Variants in MBOAT2 observed in about 807,000 individuals in gnomAD.
MBOAT2 encodes membrane bound glycerophospholipid O-acyltransferase 2, also known as membrane-bound glycerophospholipid O-acyltransferase 2.
MBOAT2 carries 28 observed loss-of-function variants against 63.4 expected under a neutral mutation model. That is an observed-to-expected ratio of 0.44 (90% CI 0.33 to 0.61). MBOAT2 has a LOEUF of 0.61. Among genes scored for constraint, MBOAT2 ranks in the 20% least tolerant of loss-of-function variants. MBOAT2 has a pLI of 0.03. For synonymous variants in MBOAT2, 211 were observed against 215.6 expected, an observed-to-expected ratio of 0.98 and a Z score of 0.19; for missense variants, 470 against 605.8, an observed-to-expected ratio of 0.78 and a Z score of 2.35.
In MBOAT2 at chr2:8,877,099, G is replaced by A. The variant is rs1352661623; in HGVS notation, c.621C>T (p.Tyr207=). Residue 207 remains tyrosine (Y), a synonymous_variant, in exon 7 of 13, where the codon TAC becomes TAT. Transcript: ENST00000305997. ...CATTTTCACCAGATTGTGTGATATG[G>A]TATGATCTGCCTTCAATGAAAGTAA... ...DYITFIEGRS[Y]HITQSGENGK... is the part of the protein sequence containing the mutation. 1.2e-6 allele frequency: 2 copies of A among 1,614,014 alleles called. No homozygotes were observed. The highest frequency in any genetic ancestry group is 2.2e-5 in the South Asian group (2 of 91,062).
intron 1 of MBOAT2, among the ~76,000 whole-genome samples, chr2:8,994,745 A>G (rs1282402396): frequency 6.6e-6 from 1 of 152,192 alleles, no homozygotes; most frequent in Non-Finnish European, 1.5e-5. Context: ...AAGATACCCA[A>G]AAAGGGAGGA....
chr2:8,993,885 C>A (rs1573274904), intron 1 of MBOAT2, among the ~76,000 whole-genome samples: 2 of 152,340 alleles, frequency 1.3e-5, no homozygotes, highest in Non-Finnish European at 2.9e-5. Flanking sequence ...ATGGTGCCCT[C>A]TCCAGCCCCT....
At chr2:8,976,737 A>G (rs1670844216) in intron 1 of MBOAT2, among the ~76,000 whole-genome samples, 1 of 152,194 alleles carries the variant, frequency 6.6e-6, no homozygotes, top group Non-Finnish European at 1.5e-5. Flanking sequence ...GTGGTTACAA[A>G]TAATACCAGC....
At chr2:8,884,208 A>AG (rs1169210977) in intron 5 of MBOAT2, among the ~76,000 whole-genome samples, 1 of 149,866 alleles carries the variant, frequency 6.7e-6, no homozygotes, top group African/African-American at 2.4e-5. Context: ...AAAAAAAAAA[A>AG]AAAAAAAAAA....
At chr2:8,970,150 C>T (rs1380922934) in intron 1 of MBOAT2, among the ~76,000 whole-genome samples, 21 of 152,258 alleles carry the variant, frequency 1.4e-4, no homozygotes, top group African/African-American at 4.3e-4. Context: ...TGTAAAAGAA[C>T]AGAAATTATA....
rs757677247 is a variant in MBOAT2, at chr2:8,873,099, G to A, written c.883+9C>T. ...CAGACACAGGGAAATCTATTTACATGTTACTTACCTAGCGTCCATGCAAAA... is the reference window on the plus strand; with the variant it reads ...CAGACACAGGGAAATCTATTTACATATTACTTACCTAGCGTCCATGCAAAA... On this transcript the variant is annotated intron_variant, in intron 8 of 12. Transcript: ENST00000305997. 1.2e-6 allele frequency: 2 copies of A among 1,611,058 alleles called. No homozygotes were observed. Among genetic ancestry groups the A allele is most frequent in the Non-Finnish European group, 1.7e-6 (2 of 1,177,650 alleles).
intron 1 of MBOAT2, among the ~76,000 whole-genome samples, chr2:8,986,551 C>T (rs777278255): frequency 1.5e-3 from 226 of 150,634 alleles, no homozygotes; most frequent in Middle Eastern, 3.4e-3. Flanking sequence ...GGAGACAGGG[C>T]GAGATTCTGT....
intron 11 of MBOAT2, chr2:8,861,087 A>C: frequency 6.2e-6 from 1 of 160,800 alleles, no homozygotes; most frequent in South Asian, 2.0e-4. Context: ...TTAAAATAAA[A>C]GTTTCCAAAA....
chr2:8,983,391 C>A (rs1035135535), intron 1 of MBOAT2, among the ~76,000 whole-genome samples: 2 of 152,148 alleles, frequency 1.3e-5, no homozygotes, highest in South Asian at 4.1e-4. Context: ...TAACTGTTAA[C>A]GAAACACTTT....
intron 1 of MBOAT2, among the ~76,000 whole-genome samples, chr2:8,988,477 C>T (rs1238641322): frequency 6.6e-6 from 1 of 151,990 alleles, no homozygotes; most frequent in Non-Finnish European, 1.5e-5. Context: ...TACAAAAATA[C>T]AATACTATAA....
In MBOAT2 at chr2:8,991,362, T is replaced by C. The variant is rs1488422549; in HGVS notation, c.75+12178A>G. 2.0e-5 allele frequency among the ~76,000 whole-genome samples: 3 copies of C among 152,274 alleles called. No homozygotes were observed. The East Asian group carries it at 5.8e-4, about 29-fold the overall frequency. ...TACTGGATCTGCAAAAAGAATAAAA[T>C]GATAGTAGTGTGAAATTCCAACCTT... On this transcript the variant is annotated intron_variant, in intron 1 of 12. Transcript: ENST00000305997.
chr2:8,853,344 A>T lies in MBOAT2; in HGVS notation c.*5335T>A, dbSNP rs1290934023. ...CAGAGGCAAATGTACTTCATTGATA[A>T]ATCTGTGTGCGCAGAACCAAAAATA... is the stretch of plus-strand genomic sequence containing the variant. On this transcript the variant is annotated 3_prime_UTR_variant, in exon 13 of 13. Transcript: ENST00000305997. 1 of 152,206 alleles carries T rather than the reference A, an allele frequency of 6.6e-6. No individual in the cohort carries two copies. Among genetic ancestry groups the T allele is most frequent in the African/African-American group, 2.4e-5 (1 of 41,450 alleles). The allele number at this position is 152,206 out of a possible 1,614,324, so 9.4% of individuals were successfully genotyped here. A position where few individuals can be genotyped will look rare whatever the true frequency, so the allele number is the denominator to read the frequency against.
At chr2:9,002,472 A>G (rs1421883704) in intron 1 of MBOAT2, among the ~76,000 whole-genome samples, 5 of 152,260 alleles carry the variant, frequency 3.3e-5, no homozygotes, top group African/African-American at 1.2e-4. Context: ...CAGCACCTTC[A>G]AGTTCAAGAC....
At position 8,940,025 on chromosome 2, in the gene MBOAT2, C is replaced by A. The variant is rs563880636; in HGVS notation, c.299+3162G>T. On this transcript the variant is annotated intron_variant, in intron 3 of 12. Transcript: ENST00000305997. ...GAACAGAACAGATACCAGTTCATAC[C>A]CACTGTTTTCCAGCTACACGTCCTC... Among the ~76,000 whole-genome samples, 73 of 151,886 alleles carry A rather than the reference C, an allele frequency of 4.8e-4. 1 individual carries two copies. The highest frequency in any genetic ancestry group is 1.7e-3 in the African/African-American group (69 of 41,402).
chr2:8,990,686 A>G (rs1384555765), intron 1 of MBOAT2, among the ~76,000 whole-genome samples: 1 of 152,230 alleles, frequency 6.6e-6, no homozygotes, highest in Non-Finnish European at 1.5e-5. Flanking sequence ...TTCAATTCAC[A>G]TAAAAATTGC....
chr2:8,991,138 A>G (rs1033570118), intron 1 of MBOAT2, among the ~76,000 whole-genome samples: 2 of 152,142 alleles, frequency 1.3e-5, no homozygotes, highest in African/African-American at 2.4e-5. Flanking sequence ...CTAAACTCCA[A>G]AGCTGATAAC....
chr2:8,988,947 C>A (rs2103356394), intron 1 of MBOAT2, among the ~76,000 whole-genome samples: 1 of 152,148 alleles, frequency 6.6e-6, no homozygotes, highest in East Asian at 1.9e-4. Context: ...ATGTATTGTT[C>A]TCACTAATCA....
chr2:8,987,339 G>A (rs1478065614), intron 1 of MBOAT2, among the ~76,000 whole-genome samples: 1 of 152,108 alleles, frequency 6.6e-6, no homozygotes, highest in Admixed American at 6.5e-5. Context: ...GGCCTACTAT[G>A]TTCACCTTTA....
At position 8,897,167 on chromosome 2, in the gene MBOAT2, TTC is replaced by T. The variant is rs1244664815; in HGVS notation, c.396-9096_396-9095del. ...TCTCTGTCTCTTCCTCTCTTTGACT[TTC>T]TGTGTCTCTTTCTCTCTTTTTCTCT... On this transcript the variant is annotated intron_variant, in intron 4 of 12. Transcript: ENST00000305997. 7.2e-5 allele frequency among the ~76,000 whole-genome samples: 11 copies of T among 152,314 alleles called. No homozygotes were observed. In the South Asian group the frequency reaches 8.3e-4, roughly 11 times the overall value.
Sources: gnomAD v4.1 joint callset for allele counts (sites outside exome capture counted in the v4.1 genomes callset) on GRCh38, gnomAD v4.1.1 for gene constraint, MANE v1.5 for transcripts, NCBI Gene and HGNC (gene_info 2026-07-23, HGNC 2026-07-21) for gene names.